PHLDB1: variants seen among roughly 807,000 people sequenced by gnomAD.
PHLDB1 encodes the protein pleckstrin homology-like domain family B member 1.
A neutral mutation model predicts 139.3 loss-of-function variants in PHLDB1; 65 were observed. The observed-to-expected ratio is 0.47, with a 90% confidence interval of 0.38 to 0.57. PHLDB1 has a LOEUF of 0.57. PHLDB1 is among the 20% of genes least tolerant of loss of function. The pLI is 0.00. For missense variants in PHLDB1, 1,624 were observed against 1,839.7 expected, an observed-to-expected ratio of 0.88 and a Z score of 2.14; for synonymous variants, 679 against 734.5, an observed-to-expected ratio of 0.92 and a Z score of 1.22.
rs1482224786 is a variant in PHLDB1, at chr11:118,645,884, A to C, written c.3507+59A>C. On this transcript the variant is annotated intron_variant, in intron 17 of 22. Transcript: ENST00000600882. The surrounding 1 kb of genome is among the most constrained non-coding windows in gnomAD (Gnocchi z 5.1). The stretch of plus-strand genomic sequence containing the variant: ...GTTGGGGCACAGAGCTACCTACTGC[A>C]TGTCAAGGGCCTGTGCTCCACCCCA... 3.8e-6 allele frequency: 4 copies of C among 1,047,908 alleles called. No individual in the cohort carries two copies. Among genetic ancestry groups the C allele is most frequent in the Non-Finnish European group, 6.0e-6 (4 of 664,720 alleles). 64.9% of individuals were successfully genotyped at this position (1,047,908 alleles called of 1,614,324 possible).
intron 1 of PHLDB1, chr11:118,613,201 T>G: frequency 1.3e-6 from 1 of 760,514 alleles, no homozygotes; most frequent in Non-Finnish European, 1.6e-6. Context: ...TTGTGTTGGG[T>G]TGAGGTTGCT....
At chr11:118,651,182 CAAG>C (rs1555136546) in intron 20 of PHLDB1, 2 of 152,470 alleles carry the variant, frequency 1.3e-5, no homozygotes, top group African/African-American at 4.8e-5. Flanking sequence ...GCTGCAGTAA[CAAG>C]AAGTCATAAA....
chr11:118,652,374 T>G (rs1948465517), intron 20 of PHLDB1: 2 of 152,146 alleles, frequency 1.3e-5, no homozygotes, highest in African/African-American at 2.4e-5. Flanking sequence ...TTAGGCATGT[T>G]GAGATTGAAG....
Position 118,642,412 on chromosome 11 carries a change from G to A in PHLDB1, c.2877+18G>A. ...AGCTGCAGGTAACCCCTCCTTCACT[G>A]CCCGTCCTCCCCAGCCTTTGCACCT... On this transcript the variant is annotated intron_variant, in intron 13 of 22. Transcript: ENST00000600882. 2 of 1,602,962 alleles carry A rather than the reference G, an allele frequency of 1.2e-6. No individual in the cohort carries two copies. Among genetic ancestry groups the A allele is most frequent in the Non-Finnish European group, 1.7e-6 (2 of 1,178,778 alleles).
At chr11:118,615,020 C>A (rs971807698) in intron 3 of PHLDB1, 6 of 227,760 alleles carry the variant, frequency 2.6e-5, no homozygotes, top group African/African-American at 1.4e-4. Context: ...TATGGTGAAA[C>A]CCCATCTCCA....
At position 118,632,435 on chromosome 11, in the gene PHLDB1, A is replaced by G; in HGVS notation, c.2379+139A>G. 3.4e-6 allele frequency: 3 copies of G among 876,838 alleles called. No homozygotes were observed. The highest frequency in any genetic ancestry group is 4.7e-5 in the Admixed American group (2 of 42,414). 54.3% of individuals were successfully genotyped at this position (876,838 alleles called of 1,614,324 possible). A position where few individuals can be genotyped will look rare whatever the true frequency, so the allele number is the denominator to read the frequency against. On this transcript the variant is annotated intron_variant, in intron 9 of 22. Transcript: ENST00000600882. This position sits in a 1 kb window ranked among gnomAD's most constrained non-coding sequence, Gnocchi z 5.9. ...GTGGTCTCTGTGGCTTTCCAGAGACAGAGTGACTTCTCCTCCTCTGTGGAA... is the reference window on the plus strand; with the variant it reads ...GTGGTCTCTGTGGCTTTCCAGAGACGGAGTGACTTCTCCTCCTCTGTGGAA...
Position 118,627,329 on chromosome 11 carries a change from G to A in PHLDB1, c.506G>A (p.Gly169Glu). Residue 169 changes from glycine (G) to glutamate (E), a missense_variant, in exon 6 of 23, where the codon GGG (glycine) becomes GAG (glutamate). Transcript: ENST00000600882. Reference protein sequence around the residue: ...VPAESESLVNGNHTPQTATRG... With the variant: ...VPAESESLVNENHTPQTATRG... ...GCAGAATCAGAAAGTCTGGTAAATG[G>A]GAACCACACCCCACAGACTGCAACA... 1 of 1,613,754 alleles carries A rather than the reference G, an allele frequency of 6.2e-7. No individual in the cohort carries two copies. Among genetic ancestry groups the A allele is most frequent in the African/African-American group, 1.3e-5 (1 of 75,000 alleles).
At chr11:118,609,350 A>G in intron 1 of PHLDB1, among the ~76,000 whole-genome samples, 1 of 139,618 alleles carries the variant, frequency 7.2e-6, no homozygotes, top group African/African-American at 2.8e-5. Context: ...ACAGCCCATC[A>G]CACACACAGC....
At chr11:118,618,850 C>A (rs1381303654) in intron 4 of PHLDB1, among the ~76,000 whole-genome samples, 5 of 151,514 alleles carry the variant, frequency 3.3e-5, no homozygotes, top group African/African-American at 1.2e-4. Flanking sequence ...CTTGGAGAGA[C>A]ACACTTCATG....
At position 118,611,277 on chromosome 11, in the gene PHLDB1, C is replaced by T. The variant is rs147889733; in HGVS notation, c.-21-2539C>T. Among the ~76,000 whole-genome samples the T allele has an allele frequency of 1.9e-3, 295 of 152,336 alleles. 9 individuals carry two copies. In the East Asian group the frequency reaches 0.042, roughly 22 times the overall value. On this transcript the variant is annotated intron_variant, in intron 1 of 22. Coordinates refer to ENST00000600882, the MANE Select transcript of PHLDB1 (RefSeq NM_001144758.3). The surrounding 1 kb of genome is among the most constrained non-coding windows in gnomAD (Gnocchi z 4.7). ...GGTTACTGTGCTGGGGCCACAGCCT[C>T]GCACCTCCCAATCTCTCCATCTTTT...
In PHLDB1 at chr11:118,625,040, C is replaced by G. The variant is rs782221016; in HGVS notation, c.462C>G (p.Pro154=). 1.9e-6 allele frequency: 3 copies of G among 1,610,468 alleles called. No homozygotes were observed. The highest frequency in any genetic ancestry group is 2.2e-5 in the South Asian group (2 of 90,586). ...MIPAGGRAPG[P]PYSPVPAESE... Reference sequence around the variant, plus strand: ...CAGCAGGGGGCCGAGCCCCTGGGCCCCCCTACAGCCCTGTTCCTGGTAGGT... The same window carrying G: ...CAGCAGGGGGCCGAGCCCCTGGGCCGCCCTACAGCCCTGTTCCTGGTAGGT... Residue 154 remains proline, a synonymous_variant, in exon 5 of 23, where the codon CCC becomes CCG. Transcript: ENST00000600882.
intron 4 of PHLDB1, among the ~76,000 whole-genome samples, chr11:118,619,743 C>T (rs1410191070): frequency 1.3e-5 from 2 of 152,154 alleles, no homozygotes; most frequent in Non-Finnish European, 2.9e-5. Context: ...GAATAAGATA[C>T]GTGTGCACAT....
intron 9 of PHLDB1, chr11:118,634,733 G>C (rs561998099): frequency 4.6e-6 from 1 of 216,384 alleles, no homozygotes; most frequent in Non-Finnish European, 9.8e-6. Context: ...CTTTCTCCTC[G>C]CCTGGTTATT....
chr11:118,645,447 C>T lies in PHLDB1; in HGVS notation c.3213C>T (p.His1071=), dbSNP rs782165081. ...CACAGTGCCAGTGGGATGCCCTTCA[C>T]GGGGCAGCACCCTTCCCAGCGGGCC... ...AEAQCQWDAL[H]GAAPFPAGPS... The change falls in exon 16 of 23, where the codon CAC becomes CAT. Residue 1071 remains histidine (H), a synonymous_variant. Transcript: ENST00000600882. The surrounding 1 kb of genome is among the most constrained non-coding windows in gnomAD (Gnocchi z 5.1). 1.9e-5 allele frequency: 31 copies of T among 1,593,140 alleles called. No homozygotes were observed. In the Admixed American group the frequency reaches 2.5e-4, roughly 13 times the overall value.
chr11:118,644,617 G>A (rs1480600562), intron 15 of PHLDB1: 26 of 1,277,316 alleles, frequency 2.0e-5, no homozygotes, highest in African/African-American at 1.5e-4. Context: ...TGTCTCTACC[G>A]TACCCTCTGC....
At chr11:118,607,056 G>A (rs1487484484), upstream of PHLDB1, among the ~76,000 whole-genome samples, 1 of 152,040 alleles carries the variant, frequency 6.6e-6, no homozygotes, top group Non-Finnish European at 1.5e-5. Flanking sequence ...GTGGGGCTTG[G>A]AATAGGGCGA....
At chr11:118,638,791 C>T in intron 10 of PHLDB1, 100 bp from the exon 11 acceptor site, 1 of 848,500 alleles carries the variant, frequency 1.2e-6, no homozygotes, top group East Asian at 2.7e-5. Context: ...TGATCCCCTT[C>T]ACCTGAGCCT....
intron 4 of PHLDB1, among the ~76,000 whole-genome samples, chr11:118,622,906 T>C (rs1555096491): frequency 6.6e-6 from 1 of 152,142 alleles, no homozygotes; most frequent in Non-Finnish European, 1.5e-5. Flanking sequence ...CTCTCTCCTT[T>C]AGAATTGTTG....
intron 17 of PHLDB1, 103 bp from the exon 18 acceptor site, chr11:118,647,827 C>T: frequency 7.9e-7 from 1 of 1,267,384 alleles, no homozygotes; most frequent in Non-Finnish European, 1.1e-6. Flanking sequence ...TCATGCCAGA[C>T]TACCCTGAGG....
Sources: gnomAD v4.1 joint callset for allele counts (sites outside exome capture counted in the v4.1 genomes callset) on GRCh38, gnomAD v4.1.1 for gene constraint, Gnocchi (gnomAD v3.1) non-coding constraint, MANE v1.5 for transcripts, NCBI Gene and HGNC (gene_info 2026-07-23, HGNC 2026-07-21) for gene names.